TMEM182: variants seen among roughly 807,000 people sequenced by gnomAD.
The protein encoded by TMEM182 is transmembrane protein 182.
In TMEM182, 20 loss-of-function variants were observed where a neutral mutation model predicts 26.8. That is an observed-to-expected ratio of 0.75 (90% CI 0.53 to 1.09). TMEM182 has a LOEUF of 1.09. Ranked by LOEUF, TMEM182 falls within the 50% of genes least tolerant of loss-of-function variation. TMEM182 has a pLI of 0.00. For missense variants in TMEM182, 277 were observed against 275.5 expected (o/e 1.01, Z -0.04); for synonymous variants, 109 against 102.2 (o/e 1.07, Z -0.40).
chr2:102,808,008 A>G (rs994482886), intron 4 of TMEM182, among the ~76,000 whole-genome samples: 4 of 152,182 alleles, frequency 2.6e-5, no homozygotes, highest in Non-Finnish European at 5.9e-5. Context: ...TGCAGGGCTA[A>G]AGTCAAATCA....
intron 3 of TMEM182, among the ~76,000 whole-genome samples, chr2:102,831,543 G>A (rs1683150733): frequency 6.6e-6 from 1 of 152,122 alleles, no homozygotes. Context: ...GATCACCTGA[G>A]GTTAGGAGTT....
At chr2:102,787,901 G>T (rs1454329194) in intron 3 of TMEM182, among the ~76,000 whole-genome samples, 1 of 152,174 alleles carries the variant, frequency 6.6e-6, no homozygotes, top group Non-Finnish European at 1.5e-5. Context: ...TGGGAAGACA[G>T]AGGAAAGAAC....
chr2:102,739,004 A>G (rs1679469126), intron 1 of TMEM182, among the ~76,000 whole-genome samples: 1 of 152,234 alleles, frequency 6.6e-6, no homozygotes, highest in Non-Finnish European at 1.5e-5. Flanking sequence ...TTCCTGCACT[A>G]AGGCACTGAG....
At chr2:102,777,150 A>G (rs937250895) in intron 3 of TMEM182, among the ~76,000 whole-genome samples, 3 of 152,006 alleles carry the variant, frequency 2.0e-5, no homozygotes, top group East Asian at 1.9e-4. Context: ...TTTAAATTTT[A>G]ATAAAGTCCA....
chr2:102,745,170 G>C (rs981827439), intron 1 of TMEM182, among the ~76,000 whole-genome samples: 1 of 150,346 alleles, frequency 6.7e-6, no homozygotes, highest in East Asian at 1.9e-4. Context: ...CTGTGTTTAC[G>C]TTCACCAATT....
At chr2:102,769,045 G>T (rs1227373419) in intron 3 of TMEM182, among the ~76,000 whole-genome samples, 1 of 152,160 alleles carries the variant, frequency 6.6e-6, no homozygotes, top group Non-Finnish European at 1.5e-5. Flanking sequence ...ATCCTTGGGG[G>T]TGGACAGTCA....
At chr2:102,822,201 G>A (rs1682934194), downstream of TMEM182, among the ~76,000 whole-genome samples, 1 of 152,086 alleles carries the variant, frequency 6.6e-6, no homozygotes, top group African/African-American at 2.4e-5. Flanking sequence ...GATGCACACT[G>A]GGGAGTCACA....
At chr2:102,738,766 G>T (rs1679456906) in intron 1 of TMEM182, among the ~76,000 whole-genome samples, 1 of 152,140 alleles carries the variant, frequency 6.6e-6, no homozygotes, top group African/African-American at 2.4e-5. Context: ...GATGTAATAT[G>T]TTAGCTTGTG....
chr2:102,825,062 T>C (rs1683006388), intron 3 of TMEM182, among the ~76,000 whole-genome samples: 1 of 152,226 alleles, frequency 6.6e-6, no homozygotes, highest in Admixed American at 6.5e-5. Context: ...CTTTATAACA[T>C]GTTATTTTAT....
At chr2:102,836,563 A>G (rs567171829) in intron 3 of TMEM182, among the ~76,000 whole-genome samples, 3 of 152,278 alleles carry the variant, frequency 2.0e-5, no homozygotes, top group Non-Finnish European at 4.4e-5. Flanking sequence ...TTGTCTTCCC[A>G]TTTTCCAGAT....
chr2:102,765,129 A>C (rs1339676829), intron 3 of TMEM182, among the ~76,000 whole-genome samples: 1 of 152,204 alleles, frequency 6.6e-6, no homozygotes, highest in Non-Finnish European at 1.5e-5. Flanking sequence ...ACAATAGAAC[A>C]CATAAATATA....
chr2:102,788,580 C>T (rs1681498663), intron 3 of TMEM182, among the ~76,000 whole-genome samples: 1 of 151,998 alleles, frequency 6.6e-6, no homozygotes, highest in African/African-American at 2.4e-5. Flanking sequence ...TGCAAAGCCA[C>T]CCTTCCTGGT....
chr2:102,811,575 G>T (rs1682556428), intron 4 of TMEM182, among the ~76,000 whole-genome samples: 1 of 152,038 alleles, frequency 6.6e-6, no homozygotes, highest in African/African-American at 2.4e-5. Flanking sequence ...TTCTAATTCT[G>T]CCATCCCTCT....
chr2:102,746,435 G>A (rs1679698875), intron 1 of TMEM182, among the ~76,000 whole-genome samples: 1 of 151,896 alleles, frequency 6.6e-6, no homozygotes, highest in East Asian at 1.9e-4. Context: ...TTTTAATTTT[G>A]ATAATGTCCA....
intron 1 of TMEM182, among the ~76,000 whole-genome samples, chr2:102,745,017 T>G (rs919528649): frequency 6.6e-6 from 1 of 152,150 alleles, no homozygotes; most frequent in Non-Finnish European, 1.5e-5. Flanking sequence ...TTTCTTTATC[T>G]TCTAATTCTA....
Position 102,751,451 on chromosome 2 carries a change from A to G in TMEM182, c.-82-6938A>G, listed in dbSNP as rs376551777. 4.6e-5 allele frequency among the ~76,000 whole-genome samples: 7 copies of G among 152,270 alleles called. No individual in the cohort carries two copies. The South Asian group carries it at 8.3e-4, about 18-fold the overall frequency. ...AGGAAAGATGGAGCCGCCATTTTGA[A>G]CATGCATAGTCCTAGGTGGCCCTTT... On this transcript the variant is annotated intron_variant, in intron 1 of 5. Transcript: ENST00000409173.
chr2:102,836,825 G>T (rs1224095183), intron 3 of TMEM182, among the ~76,000 whole-genome samples: 2 of 152,206 alleles, frequency 1.3e-5, no homozygotes, highest in Non-Finnish European at 2.9e-5. Context: ...TTCAGTCATG[G>T]CAGGGTTGGC....
In TMEM182 at chr2:102,826,276, A is replaced by G. The variant is rs371132967; in HGVS notation, c.326-17136A>G. Among the ~76,000 whole-genome samples, 22 of 150,188 alleles carry G rather than the reference A, an allele frequency of 1.5e-4. No homozygotes were observed. In the East Asian group the frequency reaches 3.7e-3, roughly 25 times the overall value. The stretch of plus-strand genomic sequence containing the variant: ...AAGCAAAATAACTGGGCAAAGCCCC[A>G]GTGCAGCGTACAGTCTGCAGCTGGC... On this transcript the variant is annotated intron_variant, in intron 3 of 3. Coordinates refer to the TMEM182 transcript ENST00000486293.
At chr2:102,794,434 C>T (rs529318615) in intron 3 of TMEM182, among the ~76,000 whole-genome samples, 9 of 152,296 alleles carry the variant, frequency 5.9e-5, no homozygotes, top group Middle Eastern at 3.4e-3. Context: ...ACGTGCACTC[C>T]GGTGTCATTT....
Sources: allele counts gnomAD v4.1 joint callset (sites outside exome capture counted in the v4.1 genomes callset), GRCh38; gene constraint gnomAD v4.1.1; transcripts MANE v1.5; gene names NCBI Gene and HGNC (gene_info 2026-07-23, HGNC 2026-07-21).